ADAMTS19: variants seen among roughly 807,000 people sequenced by gnomAD.
ADAMTS19 encodes A disintegrin and metalloproteinase with thrombospondin motifs 19.
ADAMTS19 carries 93 observed loss-of-function variants against 153.3 expected under a neutral mutation model. The observed-to-expected ratio is 0.61, with a 90% CI of 0.51 to 0.72. The LOEUF is 0.72. Ranked by LOEUF, ADAMTS19 falls within the 30% of genes least tolerant of loss-of-function variation. The pLI is 0.00. For missense variants in ADAMTS19, 1,482 were observed against 1,552.1 expected (o/e 0.95, Z 0.76); for synonymous variants, 600 against 556.6 (o/e 1.08, Z -1.10).
chr5:129,663,146 G>A (rs113746159), intron 15 of ADAMTS19, among the ~76,000 whole-genome samples: 15,171 of 151,858 alleles, frequency 0.1, 776 homozygotes, highest in Middle Eastern at 0.15. Flanking sequence ...TGCCTGCCTC[G>A]GCCTCCAAAA....
chr5:129,702,733 A>ACC (rs1237221366), intron 20 of ADAMTS19, among the ~76,000 whole-genome samples: 2 of 151,634 alleles, frequency 1.3e-5, no homozygotes, highest in African/African-American at 4.8e-5. Flanking sequence ...GAAACAAAAT[A>ACC]CCCCACCGCA....
At chr5:129,576,532 A>G (rs1754107358) in intron 7 of ADAMTS19, among the ~76,000 whole-genome samples, 2 of 152,046 alleles carry the variant, frequency 1.3e-5, no homozygotes, top group Admixed American at 1.3e-4. Flanking sequence ...AAGAAAATCA[A>G]AACTTAAAAT....
At chr5:129,478,053 A>G (rs1271899630) in intron 2 of ADAMTS19, among the ~76,000 whole-genome samples, 1 of 152,242 alleles carries the variant, frequency 6.6e-6, no homozygotes, top group Non-Finnish European at 1.5e-5. Context: ...ATAAATGGTT[A>G]TAACCATGAT....
chr5:129,518,685 G>T (rs1415657658), intron 3 of ADAMTS19, among the ~76,000 whole-genome samples: 1 of 151,980 alleles, frequency 6.6e-6, no homozygotes, highest in Non-Finnish European at 1.5e-5. Flanking sequence ...AATTAAATCT[G>T]CTTGGTGTTC....
intron 2 of ADAMTS19, among the ~76,000 whole-genome samples, chr5:129,490,747 T>C (rs921702478): frequency 2.6e-5 from 4 of 152,144 alleles, no homozygotes; most frequent in Admixed American, 2.0e-4. Flanking sequence ...TAAGAGAATT[T>C]GCAGAGTAAA....
At chr5:129,517,688 T>A (rs144642387) in intron 3 of ADAMTS19, among the ~76,000 whole-genome samples, 2 of 152,016 alleles carry the variant, frequency 1.3e-5, no homozygotes, top group African/African-American at 2.4e-5. Flanking sequence ...ATAGGTGAAG[T>A]GTGTTTCTTG....
intron 6 of ADAMTS19, among the ~76,000 whole-genome samples, chr5:129,538,166 CTT>C (rs1467760922): frequency 6.6e-6 from 1 of 151,858 alleles, no homozygotes; most frequent in African/African-American, 2.4e-5. Context: ...ATAATTTTCT[CTT>C]ATTACAAATG....
At position 129,606,257 on chromosome 5, in the gene ADAMTS19, G is replaced by A. The variant is rs143125369; in HGVS notation, c.1478+9593G>A. Among the ~76,000 whole-genome samples the A allele has an allele frequency of 5.2e-4, 79 of 152,210 alleles. 1 individual carries two copies. The highest frequency in any genetic ancestry group is 1.6e-3 in the African/African-American group (68 of 41,534). ...ACACACTTACTTCTCTGGAAATTGC[G>A]CCTGGATAGAATAGAGGGGAGGGCC... On this transcript the variant is annotated intron_variant, in intron 8 of 22. Coordinates refer to ENST00000274487, the MANE Select transcript of ADAMTS19 (RefSeq NM_133638.6).
At chr5:129,629,755 C>A (rs780554419) in intron 10 of ADAMTS19, among the ~76,000 whole-genome samples, 18 of 152,036 alleles carry the variant, frequency 1.2e-4, no homozygotes, top group Admixed American at 2.0e-4. Context: ...GAGTCCTAAG[C>A]AATTGGTGCT....
chr5:129,727,278 T>C (rs753455373), intron 21 of ADAMTS19, among the ~76,000 whole-genome samples: 15 of 152,192 alleles, frequency 9.9e-5, no homozygotes, highest in Non-Finnish European at 1.6e-4. Flanking sequence ...AAAATTATTA[T>C]CAGCAACTTA....
intron 10 of ADAMTS19, among the ~76,000 whole-genome samples, chr5:129,634,585 T>A (rs755464530): frequency 6.6e-6 from 1 of 151,938 alleles, no homozygotes; most frequent in South Asian, 2.1e-4. Flanking sequence ...AACAGACACA[T>A]AGACCAATGG....
chr5:129,621,689 A>G (rs911760175), intron 9 of ADAMTS19, among the ~76,000 whole-genome samples: 19 of 152,306 alleles, frequency 1.2e-4, no homozygotes, highest in African/African-American at 4.3e-4. Context: ...CTTCACATGA[A>G]TCAGGACTCC....
chr5:129,626,638 G>A (rs30706), intron 10 of ADAMTS19, among the ~76,000 whole-genome samples: 56,628 of 151,826 alleles, frequency 0.37, 10,990 homozygotes, highest in African/African-American at 0.47. Context: ...CGATAGATAG[G>A]TAGCTAGAAC....
intron 10 of ADAMTS19, among the ~76,000 whole-genome samples, chr5:129,626,028 C>G (rs894975339): frequency 4.6e-5 from 7 of 151,798 alleles, no homozygotes; most frequent in Admixed American, 2.0e-4. Context: ...AATGTTAGAC[C>G]TAAAACCATA....
intron 6 of ADAMTS19, among the ~76,000 whole-genome samples, chr5:129,544,057 A>G (rs1291154405): frequency 6.6e-6 from 1 of 152,158 alleles, no homozygotes; most frequent in South Asian, 2.1e-4. Flanking sequence ...TTTGTTTTGC[A>G]TAGTCATCTC....
At chr5:129,546,396 TAAAA>T (rs995023565) in intron 6 of ADAMTS19, among the ~76,000 whole-genome samples, 3 of 149,786 alleles carry the variant, frequency 2.0e-5, no homozygotes, top group Non-Finnish European at 2.9e-5. Flanking sequence ...TAAAAAAAAT[TAAAA>T]AAAAGAGAAG....
At chr5:129,654,750 C>A (rs1332511358) in intron 14 of ADAMTS19, among the ~76,000 whole-genome samples, 1 of 151,860 alleles carries the variant, frequency 6.6e-6, no homozygotes, top group Non-Finnish European at 1.5e-5. Context: ...TATTTCAGAC[C>A]AAAAATTCAA....
At chr5:129,536,951 C>G (rs567673905) in intron 6 of ADAMTS19, among the ~76,000 whole-genome samples, 2 of 151,558 alleles carry the variant, frequency 1.3e-5, no homozygotes, top group South Asian at 4.2e-4. Flanking sequence ...GGAGATATAC[C>G]TAATGCTAAA....
chr5:129,520,597 A>G (rs569240124), intron 3 of ADAMTS19, among the ~76,000 whole-genome samples: 1 of 152,294 alleles, frequency 6.6e-6, no homozygotes, highest in African/African-American at 2.4e-5. Context: ...TTATTTGGAC[A>G]ATAATTATTC....
Sources: allele counts gnomAD v4.1 joint callset (sites outside exome capture counted in the v4.1 genomes callset), GRCh38; gene constraint gnomAD v4.1.1; transcripts MANE v1.5; gene names NCBI Gene and HGNC (gene_info 2026-07-23, HGNC 2026-07-21).